The following GRM1 variants were observed in gnomAD, a reference collection of about 807,000 sequenced individuals.
GRM1 encodes the protein metabotropic glutamate receptor 1.
Under a neutral mutation model 90.9 loss-of-function variants are expected in GRM1, and 33 were observed. That is an observed-to-expected ratio of 0.36 (90% CI 0.28 to 0.49). The LOEUF (loss-of-function observed/expected upper bound fraction) is 0.49. Ranked by LOEUF, GRM1 falls within the 20% of genes least tolerant of loss-of-function variation. GRM1 has a pLI of 0.99. For synonymous variants in GRM1, 700 were observed against 613.2 expected (o/e 1.14, Z -2.09); for missense variants, 1,190 against 1,534.3 (o/e 0.78, Z 3.75).
intron 1 of GRM1, among the ~76,000 whole-genome samples, chr6:146,049,651 A>ATTATC (rs1334592681): frequency 4.3e-4 from 63 of 147,582 alleles, no homozygotes; most frequent in African/African-American, 1.5e-3. Context: ...ACCTCCTTTC[A>ATTATC]TATCTATCTA....
At chr6:146,127,575 A>G (rs1301728486) in intron 1 of GRM1, among the ~76,000 whole-genome samples, 1 of 152,174 alleles carries the variant, frequency 6.6e-6, no homozygotes, top group African/African-American at 2.4e-5. Context: ...CAATGTAACA[A>G]TGAACCAGAA....
intron 2 of GRM1, among the ~76,000 whole-genome samples, chr6:146,200,781 A>G (rs1306084776): frequency 6.6e-6 from 1 of 152,142 alleles, no homozygotes; most frequent in African/African-American, 2.4e-5. Context: ...CCACAATGCA[A>G]ATCTGAAATC....
chr6:146,434,616 C>G lies in GRM1; in HGVS notation c.3405C>G (p.Ser1135Arg), dbSNP rs1188689970. The part of the protein sequence containing the change: ...EEEEEDLQAA[S>R]KLTPDDSPAL... The stretch of plus-strand genomic sequence containing the variant: ...AGGAGGAGGACCTGCAGGCGGCCAG[C>G]AAACTGACCCCGGATGATTCGCCTG... Residue 1135 changes from serine (S) to arginine (R), a missense_variant, in exon 8 of 8, where the codon AGC becomes AGG. This residue lies in a region of GRM1 where 400 missense variants were observed against 360.8 expected (regional missense o/e 1.11). Transcript: ENST00000282753. The G allele has an allele frequency of 3.1e-6, 5 of 1,612,762 alleles. No individual in the cohort carries two copies. The South Asian group carries it at 5.5e-5, about 18-fold the overall frequency.
At chr6:146,036,708 C>T (rs1790903755) in intron 1 of GRM1, among the ~76,000 whole-genome samples, 2 of 151,666 alleles carry the variant, frequency 1.3e-5, no homozygotes, top group South Asian at 4.2e-4. Context: ...ATTTCATAGC[C>T]AACAAATTAA....
chr6:146,298,118 T>C (rs1483511532), intron 2 of GRM1, among the ~76,000 whole-genome samples: 2 of 152,220 alleles, frequency 1.3e-5, no homozygotes, highest in African/African-American at 2.4e-5. Context: ...CATAACTCAT[T>C]CATTCTCTAC....
intron 5 of GRM1, among the ~76,000 whole-genome samples, chr6:146,364,400 C>A (rs1003394423): frequency 1.3e-5 from 2 of 152,198 alleles, no homozygotes; most frequent in African/African-American, 4.8e-5. Flanking sequence ...TGCAAACAAT[C>A]ATCACTATCT....
In GRM1 at chr6:146,223,429, G is replaced by T. The variant is rs992201603; in HGVS notation, c.950+63832G>T. Among the ~76,000 whole-genome samples, 3 of 151,896 alleles carry T rather than the reference G, an allele frequency of 2.0e-5. No individual in the cohort carries two copies. The South Asian group carries it at 6.2e-4, about 32-fold the overall frequency. On this transcript the variant is annotated intron_variant, in intron 2 of 7. Transcript: ENST00000282753. ...CATTCTTTCCATTAGATTGAGGTAG[G>T]GTAGACCTGTGACCGACCACAGGCA...
intron 1 of GRM1, among the ~76,000 whole-genome samples, chr6:146,060,669 G>T (rs905537625): frequency 2.0e-5 from 3 of 152,094 alleles, no homozygotes; most frequent in Non-Finnish European, 4.4e-5. Flanking sequence ...ATATAGGTTG[G>T]TTCCATGTCT....
intron 2 of GRM1, among the ~76,000 whole-genome samples, chr6:146,210,168 G>A (rs1583168483): frequency 6.6e-6 from 1 of 152,114 alleles, no homozygotes; most frequent in Admixed American, 6.6e-5. Context: ...AATGTCAAAA[G>A]GAAGGAGTTG....
intron 1 of GRM1, among the ~76,000 whole-genome samples, chr6:146,123,868 A>G (rs976343019): frequency 2.6e-5 from 4 of 152,128 alleles, no homozygotes; most frequent in African/African-American, 9.7e-5. Flanking sequence ...TTATTTTTAA[A>G]TCTCTGCTGT....
intron 2 of GRM1, among the ~76,000 whole-genome samples, chr6:146,162,770 A>G (rs1777778031): frequency 6.6e-6 from 1 of 152,112 alleles, no homozygotes; most frequent in Non-Finnish European, 1.5e-5. Context: ...GGAAGTTCTC[A>G]TAGAGAATAA....
intron 2 of GRM1, among the ~76,000 whole-genome samples, chr6:146,254,362 C>A (rs539265995): frequency 6.6e-6 from 1 of 152,232 alleles, no homozygotes; most frequent in East Asian, 1.9e-4. Flanking sequence ...GTTTCCATCC[C>A]AGCAAGACTC....
intron 1 of GRM1, among the ~76,000 whole-genome samples, chr6:146,103,645 T>G (rs1332027094): frequency 2.0e-5 from 3 of 152,226 alleles, no homozygotes; most frequent in Non-Finnish European, 4.4e-5. Flanking sequence ...AAAAGTTTGA[T>G]GCAGCTTTGC....
At chr6:146,140,138 T>TTTCTTTCTTTCTTTCTTTCC (rs1415545136) in intron 1 of GRM1, among the ~76,000 whole-genome samples, 7 of 128,346 alleles carry the variant, frequency 5.5e-5, no homozygotes, top group East Asian at 2.4e-4. Flanking sequence ...TCTTTCTTTC[T>TTTCTTTCTTTCTTTCTTTCC]TTCCTTCCTT....
chr6:146,159,699 A>G (rs1777648664), intron 2 of GRM1, 102 bp downstream of exon 2: 4 of 1,171,920 alleles, frequency 3.4e-6, no homozygotes, highest in Admixed American at 4.0e-5. Context: ...TCACAAAACT[A>G]GACTTGCTAA....
At chr6:146,349,594 AT>A (rs1230714879) in intron 3 of GRM1, among the ~76,000 whole-genome samples, 1 of 151,872 alleles carries the variant, frequency 6.6e-6, no homozygotes. Context: ...CACTGATTTG[AT>A]TGTAATTATT....
At chr6:146,286,928 A>G (rs574064048) in intron 2 of GRM1, among the ~76,000 whole-genome samples, 108 of 152,350 alleles carry the variant, frequency 7.1e-4, no homozygotes, top group Non-Finnish European at 1.1e-3. Flanking sequence ...TCTAGGGGAA[A>G]ATATAATGAA....
chr6:146,399,629 A>C lies in GRM1; in HGVS notation c.2590A>C (p.Lys864Gln), dbSNP rs747905402. 6.2e-7 allele frequency: 1 copy of C among 1,613,712 alleles called. No individual in the cohort carries two copies. The highest frequency in any genetic ancestry group is 1.1e-5 in the South Asian group (1 of 91,078). ...DVVRMHVGDG[K>Q]LPCRSNTFLN... ...TGTCCGCATGCATGTTGGCGATGGC[A>C]AGCTGCCCTGCCGCTCCAACACTTT... The change falls in exon 7 of 8, where the codon AAG (lysine) becomes CAG (glutamine). Residue 864 changes from lysine to glutamine, a missense_variant. Coordinates refer to ENST00000282753, the MANE Select transcript of GRM1 (RefSeq NM_001278064.2). The surrounding 1 kb of genome is among the most constrained non-coding windows in gnomAD (Gnocchi z 5.4).
At position 146,139,996 on chromosome 6, in the gene GRM1, G is replaced by A. The variant is rs1233723434; in HGVS notation, c.701-19352G>A. On this transcript the variant is annotated intron_variant, in intron 1 of 7. Transcript: ENST00000282753. ...CCTCCGCTTCCCTCCGCTTCCCTCC[G>A]CTTCCCTCCCCTCCCCTCACTTCCC... 2.9e-3 allele frequency among the ~76,000 whole-genome samples: 267 copies of A among 92,280 alleles called. 1 individual carries two copies. The highest frequency in any genetic ancestry group is 0.011 in the African/African-American group (243 of 21,246). 60.5% of individuals were successfully genotyped at this position (92,280 alleles called of 152,430 possible).
Sources: gnomAD v4.1 joint callset for allele counts (sites outside exome capture counted in the v4.1 genomes callset) on GRCh38, gnomAD v4.1.1 for gene constraint, gnomAD v4.1.1 regional missense constraint, Gnocchi (gnomAD v3.1) non-coding constraint, MANE v1.5 for transcripts, NCBI Gene and HGNC (gene_info 2026-07-23, HGNC 2026-07-21) for gene names.